Variants in SLC24A3 observed in about 807,000 individuals in gnomAD.
The protein encoded by SLC24A3 is sodium/potassium/calcium exchanger 3.
A neutral mutation model predicts 75.8 loss-of-function variants in SLC24A3; 28 were observed. That is an observed-to-expected ratio of 0.37 (90% CI 0.27 to 0.51). The LOEUF (loss-of-function observed/expected upper bound fraction) is 0.51. SLC24A3 is among the 20% of genes least tolerant of loss of function. The pLI is 0.94. For synonymous variants in SLC24A3, 372 were observed against 334.1 expected (o/e 1.11, Z -1.24); for missense variants, 663 against 847.8 (o/e 0.78, Z 2.71).
At chr20:19,295,008 G>A (rs1409297105) in intron 2 of SLC24A3, among the ~76,000 whole-genome samples, 2 of 152,088 alleles carry the variant, frequency 1.3e-5, no homozygotes, top group Non-Finnish European at 2.9e-5. Context: ...TAACTGGCTC[G>A]AGATTGTATC....
chr20:19,651,383 A>G (rs1192523872), intron 6 of SLC24A3, among the ~76,000 whole-genome samples: 1 of 136,260 alleles, frequency 7.3e-6, no homozygotes, highest in African/African-American at 3.2e-5. Flanking sequence ...ATATATATAT[A>G]TATATATATA....
chr20:19,606,965 C>A (rs1204683094), intron 6 of SLC24A3, among the ~76,000 whole-genome samples: 1 of 152,182 alleles, frequency 6.6e-6, no homozygotes, highest in Non-Finnish European at 1.5e-5. Context: ...CCCTCTGCAG[C>A]CCCTCAGGCC....
chr20:19,578,653 C>T (rs1202900093), intron 3 of SLC24A3, among the ~76,000 whole-genome samples: 2 of 152,046 alleles, frequency 1.3e-5, no homozygotes, highest in Non-Finnish European at 2.9e-5. Context: ...CTGAGGAGCA[C>T]TTCTCAAAAG....
intron 16 of SLC24A3, among the ~76,000 whole-genome samples, chr20:19,718,287 G>T (rs1350496720): frequency 6.6e-6 from 1 of 152,208 alleles, no homozygotes. Flanking sequence ...CAGGATCAGG[G>T]TGTGAATTGA....
intron 1 of SLC24A3, among the ~76,000 whole-genome samples, chr20:19,232,917 A>G (rs910952977): frequency 2.0e-5 from 3 of 152,236 alleles, no homozygotes; most frequent in Non-Finnish European, 2.9e-5. Context: ...GAACGGGACA[A>G]TGATGGCAAA....
intron 2 of SLC24A3, among the ~76,000 whole-genome samples, chr20:19,496,884 G>A (rs1023184374): frequency 6.6e-6 from 1 of 152,166 alleles, no homozygotes; most frequent in Non-Finnish European, 1.5e-5. Flanking sequence ...ACTTTCAGAG[G>A]AGTTTGTGGG....
chr20:19,650,361 A>G (rs1390373491), intron 6 of SLC24A3, among the ~76,000 whole-genome samples: 1 of 152,178 alleles, frequency 6.6e-6, no homozygotes, highest in Non-Finnish European at 1.5e-5. Context: ...ATAATTTGTG[A>G]TATATTTTCC....
intron 12 of SLC24A3, among the ~76,000 whole-genome samples, chr20:19,686,483 C>T (rs1171040279): frequency 6.6e-6 from 1 of 152,194 alleles, no homozygotes. Context: ...GGGAAGAGTA[C>T]ACTAGTTTGA....
At chr20:19,442,256 AG>A (rs1214710165) in intron 2 of SLC24A3, among the ~76,000 whole-genome samples, 16 of 152,186 alleles carry the variant, frequency 1.1e-4, no homozygotes, top group Non-Finnish European at 1.8e-4. Flanking sequence ...ATATGGTAAA[AG>A]TATGCCTAGT....
intron 2 of SLC24A3, among the ~76,000 whole-genome samples, chr20:19,397,765 C>CTTATTTAATAAGTTA (rs1986482432): frequency 6.7e-6 from 1 of 148,788 alleles, no homozygotes; most frequent in Non-Finnish European, 1.5e-5. Flanking sequence ...AAGTTGGAAG[C>CTTATTTAATAAGTTA]TTCCAAGAAA....
At chr20:19,698,734 T>G in intron 15 of SLC24A3, 54 bp downstream of exon 15, 1 of 1,358,496 alleles carries the variant, frequency 7.4e-7, no homozygotes, top group Admixed American at 2.0e-5. Context: ...GTGACTGTGT[T>G]TTAACAGCCT....
intron 1 of SLC24A3, among the ~76,000 whole-genome samples, chr20:19,246,933 A>G (rs1276442581): frequency 6.6e-6 from 1 of 152,210 alleles, no homozygotes; most frequent in Non-Finnish European, 1.5e-5. Context: ...AGAAATAATA[A>G]AAGCATTTCC....
At chr20:19,419,919 C>T (rs1986889526) in intron 2 of SLC24A3, among the ~76,000 whole-genome samples, 1 of 129,002 alleles carries the variant, frequency 7.8e-6, no homozygotes, top group Admixed American at 7.8e-5. Flanking sequence ...TGCTGGTGCG[C>T]TGCACCCACT....
intron 2 of SLC24A3, among the ~76,000 whole-genome samples, chr20:19,416,493 A>ATC: frequency 6.6e-6 from 1 of 152,210 alleles, no homozygotes. Context: ...AAGACCTTTG[A>ATC]TTGATAAGGG....
At chr20:19,513,191 T>A (rs896034335) in intron 2 of SLC24A3, among the ~76,000 whole-genome samples, 1 of 151,292 alleles carries the variant, frequency 6.6e-6, no homozygotes, top group African/African-American at 2.4e-5. Context: ...TTGGAGGAGG[T>A]CACAGAAGGA....
intron 2 of SLC24A3, among the ~76,000 whole-genome samples, chr20:19,466,319 T>G (rs1294106452): frequency 2.0e-5 from 3 of 152,136 alleles, no homozygotes; most frequent in Non-Finnish European, 2.9e-5. Flanking sequence ...TCCTGAGTGG[T>G]GATTAAGTGA....
intron 2 of SLC24A3, among the ~76,000 whole-genome samples, chr20:19,361,771 A>G (rs1248611305): frequency 6.6e-6 from 1 of 152,228 alleles, no homozygotes; most frequent in African/African-American, 2.4e-5. Flanking sequence ...GGGTAGTTAA[A>G]TATATTTGTG....
At chr20:19,246,801 C>T (rs1353025920) in intron 1 of SLC24A3, among the ~76,000 whole-genome samples, 1 of 152,182 alleles carries the variant, frequency 6.6e-6, no homozygotes, top group African/African-American at 2.4e-5. Flanking sequence ...CTATCTCTAT[C>T]TCTATCTCCA....
intron 2 of SLC24A3, among the ~76,000 whole-genome samples, chr20:19,451,453 C>G (rs936975826): frequency 2.0e-5 from 3 of 152,202 alleles, no homozygotes; most frequent in African/African-American, 7.2e-5. Context: ...CCTCTGTAGC[C>G]CTTTGAGCGG....
Sources: allele counts gnomAD v4.1 joint callset (sites outside exome capture counted in the v4.1 genomes callset), GRCh38; gene constraint gnomAD v4.1.1; transcripts MANE v1.5; gene names NCBI Gene and HGNC (gene_info 2026-07-23, HGNC 2026-07-21).